The following DPP6 variants were observed in gnomAD, a reference collection of about 807,000 sequenced individuals.
DPP6 encodes A-type potassium channel modulatory protein DPP6.
A neutral mutation model predicts 122.6 loss-of-function variants in DPP6; 69 were observed. The observed-to-expected ratio is 0.56, with a 90% CI of 0.46 to 0.69. The LOEUF (loss-of-function observed/expected upper bound fraction) is 0.69. Among genes scored for constraint, DPP6 ranks in the 30% least tolerant of loss-of-function variants. DPP6 has a pLI of 0.00. For synonymous variants in DPP6, 418 were observed against 433.1 expected (o/e 0.97, Z 0.43); for missense variants, 928 against 1,116.9 (o/e 0.83, Z 2.41).
intron 1 of DPP6, among the ~76,000 whole-genome samples, chr7:154,293,954 G>A (rs1585850756): frequency 6.6e-6 from 1 of 152,108 alleles, no homozygotes; most frequent in Non-Finnish European, 1.5e-5. Flanking sequence ...CCCTTACGGA[G>A]CCCTCAGCCT....
chr7:153,950,275 T>G (rs1585077569), intron 1 of DPP6, among the ~76,000 whole-genome samples: 1 of 150,984 alleles, frequency 6.6e-6, no homozygotes, highest in African/African-American at 2.4e-5. Flanking sequence ...AGGAAGGGAG[T>G]CCAGGCAGAG....
chr7:154,542,884 A>G (rs888700500), intron 4 of DPP6, among the ~76,000 whole-genome samples: 2 of 152,192 alleles, frequency 1.3e-5, no homozygotes, highest in Admixed American at 6.5e-5. Flanking sequence ...TAAAATTATC[A>G]TGCCTCAATT....
chr7:154,718,970 C>G (rs886239148), intron 7 of DPP6, among the ~76,000 whole-genome samples: 3 of 152,064 alleles, frequency 2.0e-5, no homozygotes, highest in African/African-American at 7.2e-5. Context: ...AATGATTCAT[C>G]CCCCCACTGC....
chr7:154,317,699 A>G (rs1807557050), intron 1 of DPP6, among the ~76,000 whole-genome samples: 1 of 152,256 alleles, frequency 6.6e-6, no homozygotes, highest in Non-Finnish European at 1.5e-5. Flanking sequence ...CCAGTAATGA[A>G]TGGATGTGTA....
chr7:154,397,161 T>C (rs946809034), intron 1 of DPP6, among the ~76,000 whole-genome samples: 2 of 150,146 alleles, frequency 1.3e-5, no homozygotes, highest in African/African-American at 4.9e-5. Flanking sequence ...ATTTATAAGA[T>C]AAATCTAATA....
rs1406529387 is a variant in DPP6, at chr7:154,168,040, A to G, written c.243+114977A>G. On this transcript the variant is annotated intron_variant, in intron 1 of 25. Transcript: ENST00000377770. ...AGCAGATCTGTTTCTGTTAGATTCA[A>G]TTGAGGCAGAGGCAGACACTGAGGA... Among the ~76,000 whole-genome samples the G allele has an allele frequency of 2.6e-5, 4 of 152,176 alleles. No homozygotes were observed. In the East Asian group the frequency reaches 5.8e-4, roughly 22 times the overall value.
chr7:153,788,075 T>C, the DPP6 span, among the ~76,000 whole-genome samples: 2 of 152,240 alleles, frequency 1.3e-5, no homozygotes, highest in African/African-American at 4.8e-5. Flanking sequence ...TTCTAAGTTC[T>C]TCAAGACATG....
the DPP6 span, among the ~76,000 whole-genome samples, chr7:153,813,908 G>C: frequency 2.6e-5 from 4 of 152,102 alleles, no homozygotes; most frequent in African/African-American, 9.7e-5. Flanking sequence ...GTTCATTGTA[G>C]ATTCTGGATA....
At chr7:154,843,303 A>C (rs1257358094) in intron 16 of DPP6, among the ~76,000 whole-genome samples, 1 of 152,222 alleles carries the variant, frequency 6.6e-6, no homozygotes, top group Non-Finnish European at 1.5e-5. Context: ...CCTTGTCTTA[A>C]ATAAATAAAT....
At chr7:154,589,517 G>T (rs1237543122) in intron 5 of DPP6, among the ~76,000 whole-genome samples, 2 of 152,204 alleles carry the variant, frequency 1.3e-5, no homozygotes, top group Admixed American at 1.3e-4. Context: ...TGTCCACTGC[G>T]CTTTCTGCAG....
chr7:154,848,045 A>G (rs1442351480), intron 16 of DPP6, among the ~76,000 whole-genome samples: 1 of 152,206 alleles, frequency 6.6e-6, no homozygotes, highest in Non-Finnish European at 1.5e-5. Flanking sequence ...GTGTATATGT[A>G]CCTATGTTTT....
chr7:154,387,849 C>A (rs1814254835), intron 1 of DPP6, among the ~76,000 whole-genome samples: 1 of 152,210 alleles, frequency 6.6e-6, no homozygotes, highest in Non-Finnish European at 1.5e-5. Context: ...CCTTCCCCGA[C>A]TTTCTCTTCT....
At chr7:154,101,643 T>C (rs1313172982) in intron 1 of DPP6, among the ~76,000 whole-genome samples, 62 of 152,032 alleles carry the variant, frequency 4.1e-4, no homozygotes, top group Non-Finnish European at 2.2e-4. Flanking sequence ...ATAAAGAGTG[T>C]TGGGCTGGGC....
intron 1 of DPP6, among the ~76,000 whole-genome samples, chr7:154,172,894 C>T (rs1409626271): frequency 6.6e-6 from 1 of 152,180 alleles, no homozygotes; most frequent in East Asian, 1.9e-4. Flanking sequence ...AGCCACTGCG[C>T]CTGGCCCTCT....
At chr7:154,427,256 A>G (rs551486015) in intron 1 of DPP6, among the ~76,000 whole-genome samples, 1 of 152,362 alleles carries the variant, frequency 6.6e-6, no homozygotes, top group African/African-American at 2.4e-5. Context: ...TGTATTCACA[A>G]AATAGTTTTG....
intron 1 of DPP6, among the ~76,000 whole-genome samples, chr7:154,173,963 G>A (rs1563277504): frequency 1.3e-5 from 2 of 152,224 alleles, no homozygotes; most frequent in Non-Finnish European, 2.9e-5. Context: ...TTCCACAGGA[G>A]GACATTCTGC....
chr7:154,192,001 GACAA>G (rs1158162109), intron 1 of DPP6, among the ~76,000 whole-genome samples: 1 of 152,162 alleles, frequency 6.6e-6, no homozygotes, highest in Non-Finnish European at 1.5e-5. Context: ...CCACACACAA[GACAA>G]ACATTTAACC....
At chr7:154,179,889 CATT>C (rs1446637115) in intron 1 of DPP6, among the ~76,000 whole-genome samples, 2 of 152,152 alleles carry the variant, frequency 1.3e-5, no homozygotes, top group East Asian at 1.9e-4. Flanking sequence ...AAAATCAACA[CATT>C]ATTAATTTTA....
At chr7:154,564,748 A>G (rs1586639522) in intron 4 of DPP6, among the ~76,000 whole-genome samples, 1 of 152,208 alleles carries the variant, frequency 6.6e-6, no homozygotes, top group African/African-American at 2.4e-5. Context: ...GATAAAGTGT[A>G]CCTGTGAGCC....
Sources: gnomAD v4.1 joint callset for allele counts (sites outside exome capture counted in the v4.1 genomes callset) on GRCh38, gnomAD v4.1.1 for gene constraint, MANE v1.5 for transcripts, NCBI Gene and HGNC (gene_info 2026-07-23, HGNC 2026-07-21) for gene names.